MDN1: variants seen among roughly 807,000 people sequenced by gnomAD.
The protein encoded by MDN1 is midasin.
Under a neutral mutation model 669.2 loss-of-function variants are expected in MDN1, and 266 were observed. The observed-to-expected ratio is 0.40, with a 90% CI of 0.36 to 0.44. The LOEUF is 0.44. Ranked by LOEUF, MDN1 falls within the 20% of genes least tolerant of loss-of-function variation. The probability of loss-of-function intolerance (pLI) is 1.00; values close to 1 mark genes in which losing one functional copy is unlikely to be tolerated. For synonymous variants in MDN1, 2,385 were observed against 2,457.1 expected (o/e 0.97, Z 0.87); for missense variants, 5,940 against 6,754.0 (o/e 0.88, Z 4.22).
chr6:89,696,941 G>GT lies in MDN1; in HGVS notation c.9169-368dup, dbSNP rs547115249. On this transcript the variant is annotated intron_variant, in intron 59 of 101. Coordinates refer to ENST00000369393, the MANE Select transcript of MDN1 (RefSeq NM_014611.3). The stretch of plus-strand genomic sequence containing the variant: ...GCCAGGGACAAAATATGCCATGTCT[G>GT]TGCTCCTTAGACTGTTAGATGGGAC... Among the ~76,000 whole-genome samples the GT allele has an allele frequency of 2.2e-3, 341 of 152,304 alleles. 2 individuals carry two copies. The highest frequency in any genetic ancestry group is 7.5e-3 in the African/African-American group (313 of 41,566).
At chr6:89,699,363 T>C (rs1812981641) in intron 58 of MDN1, among the ~76,000 whole-genome samples, 1 of 152,180 alleles carries the variant, frequency 6.6e-6, no homozygotes, top group Non-Finnish European at 1.5e-5. Context: ...CAGCAAATAT[T>C]TTCATCTCAT....
Position 89,680,927 on chromosome 6 carries a change from T to C in MDN1, c.12103-176A>G, listed in dbSNP as rs539921747. On this transcript the variant is annotated intron_variant, in intron 73 of 101. Coordinates refer to ENST00000369393, the MANE Select transcript of MDN1 (RefSeq NM_014611.3). The stretch of plus-strand genomic sequence containing the variant: ...ACTGTGGATATTTAGAAAACCATAT[T>C]ACTGCTCCATATGAGATCATTATAA... Among the ~76,000 whole-genome samples the C allele has an allele frequency of 3.3e-5, 5 of 152,290 alleles. No individual in the cohort carries two copies. The East Asian group carries it at 9.7e-4, about 29-fold the overall frequency.
At chr6:89,814,725 T>C (rs1240431872) in intron 1 of MDN1, 1 of 358,100 alleles carries the variant, frequency 2.8e-6, no homozygotes. Context: ...CGGAGATCTC[T>C]CCAGCACCAG....
In MDN1 at chr6:89,674,095, C is replaced by G; in HGVS notation, c.13247+9G>C. On this transcript the variant is annotated intron_variant, in intron 79 of 101. Transcript: ENST00000369393. ...ACACAGAGAAGTGTAAAGACATAGA[C>G]ACACTTACCAAGAATGAAAGAGAGT... 6.2e-7 allele frequency: 1 copy of G among 1,612,774 alleles called. No homozygotes were observed. Among genetic ancestry groups the G allele is most frequent in the Non-Finnish European group, 8.5e-7 (1 of 1,179,134 alleles).
In MDN1 at chr6:89,682,942, C is replaced by CAA. The variant is rs369887699; in HGVS notation, c.12102+188_12102+189dup. Among the ~76,000 whole-genome samples the CAA allele has an allele frequency of 3.3e-4, 47 of 141,946 alleles. No individual in the cohort carries two copies. In the South Asian group the frequency reaches 3.5e-3, roughly 11 times the overall value. The allele number at this position is 141,946 out of a possible 152,430, so 93.1% of individuals were successfully genotyped here. On this transcript the variant is annotated intron_variant, in intron 73 of 101. Transcript: ENST00000369393. The stretch of plus-strand genomic sequence containing the variant: ...CACGAGAATCTGTCTCAAAAAAAAG[C>CAA]AAAAAAAAAAACCCCAAGATTTTTT...
chr6:89,750,555 G>A, intron 23 of MDN1, 23 bp from the exon 24 acceptor site: 1 of 1,586,274 alleles, frequency 6.3e-7, no homozygotes, highest in Admixed American at 1.7e-5. Flanking sequence ...AGCCAATTAA[G>A]CAACTTAAAA....
intron 1 of MDN1, chr6:89,815,282 A>G: frequency 2.1e-6 from 1 of 465,690 alleles, no homozygotes; most frequent in South Asian, 1.7e-5. Context: ...GTGACCTAGC[A>G]CCTATGGGGA....
Position 89,702,898 on chromosome 6 carries a change from T to A in MDN1, c.8149-837A>T, listed in dbSNP as rs78812933. Among the ~76,000 whole-genome samples, 5 of 151,938 alleles carry A rather than the reference T, an allele frequency of 3.3e-5. No individual in the cohort carries two copies. In the South Asian group the frequency reaches 1.0e-3, roughly 31 times the overall value. On this transcript the variant is annotated intron_variant, in intron 53 of 101. Transcript: ENST00000369393. ...TCTATTTTTAAAGGTTTCATCCATG[T>A]TGAGGTAACTACATATAATGTGAGG...
chr6:89,787,397 T>G (rs958356308), intron 8 of MDN1, among the ~76,000 whole-genome samples: 1 of 152,192 alleles, frequency 6.6e-6, no homozygotes, highest in African/African-American at 2.4e-5. Context: ...AATCTACCTA[T>G]CATTATCACC....
In MDN1 at chr6:89,675,512, C is replaced by T. The variant is rs771870100; in HGVS notation, c.12713G>A (p.Arg4238Gln). Residue 4238 changes from arginine to glutamine, a missense_variant, in exon 78 of 102, where the codon CGA becomes CAA. Coordinates refer to ENST00000369393, the MANE Select transcript of MDN1 (RefSeq NM_014611.3). ...GAGCGTGGTCAGGGAGCGCCGCTGT[C>T]GGACGAGCATCTTCATCAAATGTGC... ...FSAHLMKMLV[R>Q]QRRSLTTLSE... 7.4e-6 allele frequency: 12 copies of T among 1,613,864 alleles called. No individual in the cohort carries two copies. The highest frequency in any genetic ancestry group is 5.0e-5 in the Admixed American group (3 of 60,030).
In MDN1 at chr6:89,774,622, T is replaced by C; in HGVS notation, c.1933A>G (p.Arg645Gly). 2 of 1,611,072 alleles carry C rather than the reference T, an allele frequency of 1.2e-6. No homozygotes were observed. Among genetic ancestry groups the C allele is most frequent in the South Asian group, 2.2e-5 (2 of 91,006 alleles). ...RKQSEAVHLQREKFTFAATRP... is the reference protein window; with the variant it reads ...RKQSEAVHLQGEKFTFAATRP... ...AGCTTAGTTTAGAGCCCTACTTACC[T>C]CTGTAGGTGAACAGCCTCACTTTGT... The change falls in exon 13 of 102, where the codon AGG (arginine) becomes GGG (glycine). Residue 645 changes from arginine (R) to glycine (G), a missense_variant and splice_region_variant. Arg to Gly is a moderately radical substitution (Grantham distance 125). Around this residue, in one of 5 missense-constraint regions of MDN1, gnomAD observed 1,203 missense variants for 1,268.9 expected, o/e 0.95. Coordinates refer to ENST00000369393, the MANE Select transcript of MDN1 (RefSeq NM_014611.3).
chr6:89,649,059 T>C (rs747268333), intron 97 of MDN1, among the ~76,000 whole-genome samples: 27 of 152,202 alleles, frequency 1.8e-4, no homozygotes, highest in Non-Finnish European at 5.9e-5. Context: ...TTCTTCTTTT[T>C]TGGACCTACA....
At chr6:89,696,917 C>T (rs1398726901) in intron 59 of MDN1, among the ~76,000 whole-genome samples, 1 of 152,102 alleles carries the variant, frequency 6.6e-6, no homozygotes, top group Non-Finnish European at 1.5e-5. Context: ...GATGTAAGAG[C>T]CAGGGACAAA....
In MDN1 at chr6:89,664,517, T is replaced by C. The variant is rs749435441; in HGVS notation, c.14206A>G (p.Lys4736Glu). The change falls in exon 85 of 102, where the codon AAA becomes GAA. Residue 4736 changes from lysine (K) to glutamate (E), a missense_variant. By Grantham distance (56) the Lys-to-Glu change is moderately conservative (BLOSUM62 1). Around this residue, in one of 5 missense-constraint regions of MDN1, gnomAD observed 2,280 missense variants for 2,576.3 expected, o/e 0.88. Coordinates refer to ENST00000369393, the MANE Select transcript of MDN1 (RefSeq NM_014611.3). ...AIEMSEDFDG[K>E]MHDGELEEQE... ...TCTTCAAGCTCCCCATCATGCATTT[T>C]CCCATCAAAATCTTCCGACATCTCA... The C allele has an allele frequency of 1.9e-6, 3 of 1,614,098 alleles. No homozygotes were observed. The highest frequency in any genetic ancestry group is 2.5e-6 in the Non-Finnish European group (3 of 1,180,004).
intron 2 of MDN1, among the ~76,000 whole-genome samples, chr6:89,802,867 T>A (rs1418550907): frequency 1.3e-5 from 2 of 152,214 alleles, no homozygotes; most frequent in African/African-American, 4.8e-5. Flanking sequence ...CACATTAAAA[T>A]CCAGCTCTAA....
chr6:89,727,074 T>C (rs1402966991), intron 37 of MDN1, among the ~76,000 whole-genome samples: 1 of 152,122 alleles, frequency 6.6e-6, no homozygotes, highest in East Asian at 1.9e-4. Flanking sequence ...ATCAGACATC[T>C]TGTTCAAAAA....
intron 8 of MDN1, among the ~76,000 whole-genome samples, chr6:89,787,638 C>A (rs1306258249): frequency 2.1e-5 from 3 of 143,232 alleles, no homozygotes; most frequent in Non-Finnish European, 4.5e-5. Context: ...GTGTTTTAAA[C>A]TGGTTACTTA....
At position 89,785,105 on chromosome 6, in the gene MDN1, A is replaced by G. The variant is rs1470453784; in HGVS notation, c.1356T>C (p.Asn452=). ...CATGACTGTTTAGCGGTCGATACCA[A>G]TTTCCTCCACAGCTCAAGAGTCTAC... is the stretch of plus-strand genomic sequence containing the variant. ...ATRRLLSCGG[N]WYRPLNSHAT... The change falls in exon 9 of 102, where the codon AAT becomes AAC. Residue 452 remains asparagine, a synonymous_variant. Coordinates refer to ENST00000369393, the MANE Select transcript of MDN1 (RefSeq NM_014611.3). 2 of 1,613,744 alleles carry G rather than the reference A, an allele frequency of 1.2e-6. No individual in the cohort carries two copies. The highest frequency in any genetic ancestry group is 1.3e-5 in the African/African-American group (1 of 74,928).
intron 61 of MDN1, among the ~76,000 whole-genome samples, chr6:89,694,634 C>G (rs979690966): frequency 1.3e-5 from 2 of 152,028 alleles, no homozygotes; most frequent in Non-Finnish European, 2.9e-5. Flanking sequence ...GGCTTGACCC[C>G]GCAGGCTCAA....
Sources: gnomAD v4.1 joint callset for allele counts (sites outside exome capture counted in the v4.1 genomes callset) on GRCh38, gnomAD v4.1.1 for gene constraint, gnomAD v4.1.1 regional missense constraint, MANE v1.5 for transcripts, NCBI Gene and HGNC (gene_info 2026-07-23, HGNC 2026-07-21) for gene names.